Variants in EVC2 observed in about 807,000 individuals in gnomAD.
The protein encoded by EVC2 is EvC ciliary complex subunit 2, also known as limbin.
In EVC2, 148 loss-of-function variants were observed where a neutral mutation model predicts 149.3. The ratio of observed to expected loss-of-function variants is 0.99; its 90% CI spans 0.87 to 1.14. The LOEUF is 1.14. Ranked by LOEUF, EVC2 falls within the 50% of genes most tolerant of loss-of-function variation. EVC2 has a pLI of 0.00. For synonymous variants in EVC2, 776 were observed against 649.9 expected (o/e 1.19, Z -2.95); for missense variants, 1,854 against 1,627.3 (o/e 1.14, Z -2.40).
chr4:5,649,477 A>C (rs979536719), intron 9 of EVC2, among the ~76,000 whole-genome samples: 6 of 152,256 alleles, frequency 3.9e-5, no homozygotes, highest in Non-Finnish European at 8.8e-5. Context: ...ATGATAAAAA[A>C]AGAGAGAAGA....
intron 9 of EVC2, among the ~76,000 whole-genome samples, chr4:5,658,434 G>T (rs1426282637): frequency 6.6e-6 from 1 of 152,090 alleles, no homozygotes; most frequent in East Asian, 1.9e-4. Context: ...CATATGGTTG[G>T]CACATAAAAA....
chr4:5,685,752 C>T lies in EVC2; in HGVS notation c.707-273G>A, dbSNP rs141287944. ...CATTCACGAGTGGGGGTGCACCACC[C>T]GCAACAGGGCTGGCTCTCCTAGCCC... is the stretch of plus-strand genomic sequence containing the variant. On this transcript the variant is annotated intron_variant, in intron 5 of 21. Transcript: ENST00000344408. Among the ~76,000 whole-genome samples, 947 of 152,310 alleles carry T rather than the reference C, an allele frequency of 6.2e-3. 14 individuals are homozygous for T. The highest frequency in any genetic ancestry group is 0.02 in the African/African-American group (851 of 41,576).
chr4:5,616,860 C>A (rs1365246921), intron 15 of EVC2, among the ~76,000 whole-genome samples: 2 of 152,194 alleles, frequency 1.3e-5, no homozygotes, highest in Non-Finnish European at 2.9e-5. Context: ...CCATTTCCAT[C>A]TGAAAACCAA....
chr4:5,536,657 A>G, the EVC2 span, among the ~76,000 whole-genome samples: 88 of 151,972 alleles, frequency 5.8e-4, 1 homozygote, highest in South Asian at 1.5e-3. Context: ...GGTGGCGGGC[A>G]CCTGTAGTCC....
intron 15 of EVC2, among the ~76,000 whole-genome samples, chr4:5,615,955 C>G (rs1170918478): frequency 6.6e-6 from 1 of 152,192 alleles, no homozygotes; most frequent in Non-Finnish European, 1.5e-5. Context: ...AGTCTGAAAA[C>G]ATGGAAACTA....
chr4:5,652,352 C>T (rs1718206202), intron 9 of EVC2, among the ~76,000 whole-genome samples: 1 of 152,162 alleles, frequency 6.6e-6, no homozygotes, highest in African/African-American at 2.4e-5. Flanking sequence ...CCACATGTGA[C>T]ACTGTATAAA....
chr4:5,559,416 A>T (rs1721896897), downstream of EVC2, among the ~76,000 whole-genome samples: 1 of 152,216 alleles, frequency 6.6e-6, no homozygotes, highest in African/African-American at 2.4e-5. This position sits in a 1 kb window ranked among gnomAD's most constrained non-coding sequence, Gnocchi z 5.0. Flanking sequence ...AGAAGTAACA[A>T]TACTCCAGTA....
At chr4:5,662,236 G>C (rs555972872) in intron 9 of EVC2, among the ~76,000 whole-genome samples, 3 of 151,798 alleles carry the variant, frequency 2.0e-5, no homozygotes, top group African/African-American at 4.8e-5. Flanking sequence ...AACTTGGAAA[G>C]CTTCTTCATA....
chr4:5,532,830 C>T, the EVC2 span, among the ~76,000 whole-genome samples: 1 of 151,858 alleles, frequency 6.6e-6, no homozygotes, highest in African/African-American at 2.4e-5. Context: ...GGAAGCCAAG[C>T]ATGCGAGCTG....
chr4:5,631,182 G>C (rs1716502751), intron 11 of EVC2, among the ~76,000 whole-genome samples: 1 of 152,196 alleles, frequency 6.6e-6, no homozygotes, highest in Non-Finnish European at 1.5e-5. Context: ...TCCAGGCACA[G>C]ATACTAAACC....
intron 15 of EVC2, among the ~76,000 whole-genome samples, chr4:5,616,321 G>C (rs1715248307): frequency 1.3e-5 from 2 of 152,150 alleles, no homozygotes; most frequent in African/African-American, 4.8e-5. Flanking sequence ...GAAGGAAGAG[G>C]GTGGTGAATC....
In EVC2 at chr4:5,617,264, G is replaced by C. The variant is rs374918795; in HGVS notation, c.2706+1214C>G. On this transcript the variant is annotated intron_variant, in intron 15 of 21. Transcript: ENST00000344408. Reference sequence around the variant, plus strand: ...CCAGCCCAGTTCTCTACCTCCTATAGGGCCACTCACTTTTCCTCTGCTGGG... The same window carrying C: ...CCAGCCCAGTTCTCTACCTCCTATACGGCCACTCACTTTTCCTCTGCTGGG... Among the ~76,000 whole-genome samples the C allele has an allele frequency of 7.2e-5, 11 of 152,194 alleles. No individual in the cohort carries two copies. In the East Asian group the frequency reaches 1.7e-3, roughly 24 times the overall value.
intron 16 of EVC2, among the ~76,000 whole-genome samples, chr4:5,602,220 T>C (rs1408919166): frequency 6.8e-6 from 1 of 146,884 alleles, no homozygotes; most frequent in Non-Finnish European, 1.5e-5. Flanking sequence ...CACCCTGGAG[T>C]TCAAGGTTAC....
chr4:5,662,700 A>AAAC, intron 9 of EVC2, among the ~76,000 whole-genome samples: 1 of 147,248 alleles, frequency 6.8e-6, no homozygotes, highest in African/African-American at 2.5e-5. Flanking sequence ...ATAATTATTA[A>AAAC]AATAATAATT....
At chr4:5,560,701 C>A (rs1721924872), downstream of EVC2, among the ~76,000 whole-genome samples, 2 of 152,002 alleles carry the variant, frequency 1.3e-5, no homozygotes, top group Admixed American at 6.6e-5. This position sits in a 1 kb window ranked among gnomAD's most constrained non-coding sequence, Gnocchi z 4.1. Context: ...AAATAAGCTA[C>A]CTTATTGCAC....
At chr4:5,650,065 T>C (rs1021500345) in intron 9 of EVC2, among the ~76,000 whole-genome samples, 3 of 152,224 alleles carry the variant, frequency 2.0e-5, no homozygotes, top group African/African-American at 7.2e-5. Flanking sequence ...AGTTTGCATC[T>C]TTCTTCGCTG....
chr4:5,536,736 A>T, the EVC2 span, among the ~76,000 whole-genome samples: 1 of 151,892 alleles, frequency 6.6e-6, no homozygotes, highest in Non-Finnish European at 1.5e-5. Flanking sequence ...ATGAGCAGAG[A>T]TCACGCCACT....
the EVC2 span, among the ~76,000 whole-genome samples, chr4:5,532,694 C>T: frequency 2.0e-5 from 3 of 152,128 alleles, no homozygotes; most frequent in South Asian, 2.1e-4. Flanking sequence ...CTGCACTGAC[C>T]GTCTAGCAGA....
At chr4:5,687,788 T>G (rs540597599) in intron 5 of EVC2, among the ~76,000 whole-genome samples, 2 of 152,156 alleles carry the variant, frequency 1.3e-5, no homozygotes, top group East Asian at 3.9e-4. Context: ...GGAAATGAGA[T>G]GAGAGACGTG....
Sources: gnomAD v4.1 joint callset for allele counts (sites outside exome capture counted in the v4.1 genomes callset) on GRCh38, gnomAD v4.1.1 for gene constraint, Gnocchi (gnomAD v3.1) non-coding constraint, MANE v1.5 for transcripts, NCBI Gene and HGNC (gene_info 2026-07-23, HGNC 2026-07-21) for gene names.